The following CEMIP variants were observed in gnomAD, a reference collection of about 807,000 sequenced individuals.
CEMIP encodes the protein cell migration inducing hyaluronidase 1.
CEMIP carries 105 observed loss-of-function variants against 156.9 expected under a neutral mutation model. The ratio of observed to expected loss-of-function variants is 0.67; its 90% confidence interval spans 0.57 to 0.79. CEMIP has a LOEUF of 0.79. CEMIP is among the 30% of genes least tolerant of loss of function. The pLI is 0.00. For missense variants in CEMIP, 1,457 were observed against 1,769.4 expected (o/e 0.82, Z 3.17); for synonymous variants, 676 against 668.4 (o/e 1.01, Z -0.17).
chr15:80,810,618 G>A (rs1436102229), intron 1 of CEMIP, among the ~76,000 whole-genome samples: 2 of 152,204 alleles, frequency 1.3e-5, no homozygotes, highest in African/African-American at 4.8e-5. Flanking sequence ...GCCTCCCAAA[G>A]TGCTGGGATT....
At chr15:80,819,363 C>G (rs1896859858) in intron 1 of CEMIP, among the ~76,000 whole-genome samples, 2 of 152,142 alleles carry the variant, frequency 1.3e-5, no homozygotes, top group African/African-American at 4.8e-5. Flanking sequence ...TGGGTCCTGT[C>G]TAGTGGATGG....
chr15:80,796,582 T>C (rs1896231855), intron 1 of CEMIP, among the ~76,000 whole-genome samples: 1 of 152,228 alleles, frequency 6.6e-6, no homozygotes. Flanking sequence ...CCAATACATT[T>C]ATCAGTCTGA....
chr15:80,896,400 G>T (rs906445463), intron 12 of CEMIP: 11 of 498,586 alleles, frequency 2.2e-5, no homozygotes, highest in Non-Finnish European at 3.9e-5. Flanking sequence ...TAAGGCCTAG[G>T]CTCAAAGATG....
chr15:80,843,808 C>A (rs1025417127), intron 1 of CEMIP, among the ~76,000 whole-genome samples: 1 of 152,184 alleles, frequency 6.6e-6, no homozygotes, highest in African/African-American at 2.4e-5. Flanking sequence ...CAGCCCCCAG[C>A]AGCCCACCCA....
intron 1 of CEMIP, among the ~76,000 whole-genome samples, chr15:80,803,196 C>T: frequency 6.6e-6 from 1 of 152,174 alleles, no homozygotes; most frequent in Non-Finnish European, 1.5e-5. Context: ...GGTGACCACT[C>T]CCGCAGAGTT....
rs535776235 is a variant in CEMIP at position 80,898,540 on chromosome 15, G to A, written c.1411+2480G>A. ...TTGGGACATGCAGGTAGAGGGTGTT[G>A]TAGTGAGAGGGAAACAAACTATTTC... is the stretch of plus-strand genomic sequence containing the variant. On this transcript the variant is annotated intron_variant, in intron 12 of 29. Coordinates refer to ENST00000394685, the MANE Select transcript of CEMIP (RefSeq NM_001293298.2). Among the ~76,000 whole-genome samples, 4 of 152,296 alleles carry A rather than the reference G, an allele frequency of 2.6e-5. No homozygotes were observed. In the South Asian group the frequency reaches 8.3e-4, roughly 32 times the overall value.
chr15:80,891,491 A>G lies in CEMIP; in HGVS notation c.1086+1899A>G, dbSNP rs147270772. 9.1e-4 allele frequency among the ~76,000 whole-genome samples: 138 copies of G among 152,342 alleles called. 1 individual carries two copies. Among genetic ancestry groups the G allele is most frequent in the African/African-American group, 3.2e-3 (131 of 41,574 alleles). Reference sequence around the variant, plus strand: ...GTTCCCTTGGCAATACATTCCCCAAATTCAAGTTCTCCATTATTTGAGGTT... The same window carrying G: ...GTTCCCTTGGCAATACATTCCCCAAGTTCAAGTTCTCCATTATTTGAGGTT... On this transcript the variant is annotated intron_variant, in intron 10 of 29. Transcript: ENST00000394685.
chr15:80,850,072 C>T (rs1483549567), intron 1 of CEMIP, among the ~76,000 whole-genome samples: 6 of 152,070 alleles, frequency 3.9e-5, no homozygotes, highest in Non-Finnish European at 5.9e-5. Flanking sequence ...ATTGGCAAAG[C>T]GGTGTTCAGG....
intron 1 of CEMIP, among the ~76,000 whole-genome samples, chr15:80,870,234 G>T (rs533736185): frequency 6.6e-6 from 1 of 152,304 alleles, no homozygotes; most frequent in East Asian, 1.9e-4. Flanking sequence ...ACCTCATGCA[G>T]GGTGGGTAGG....
chr15:80,892,180 G>A (rs12594920), intron 10 of CEMIP, among the ~76,000 whole-genome samples: 58,122 of 151,722 alleles, frequency 0.38, 11,767 homozygotes, highest in East Asian at 0.67. Flanking sequence ...AGTGGGTCCC[G>A]GCATACCTGC....
intron 1 of CEMIP, among the ~76,000 whole-genome samples, chr15:80,865,173 T>A (rs1364202141): frequency 6.6e-6 from 1 of 152,060 alleles, no homozygotes; most frequent in African/African-American, 2.4e-5. Context: ...GGAACTAAAT[T>A]TTTTATTTTT....
intron 1 of CEMIP, among the ~76,000 whole-genome samples, chr15:80,837,260 A>C (rs1159287485): frequency 6.6e-6 from 1 of 152,192 alleles, no homozygotes; most frequent in Non-Finnish European, 1.5e-5. Context: ...GTCATACCAG[A>C]TTCCATGCTT....
rs202129485 is a variant in CEMIP at position 80,936,799 on chromosome 15, G to T, written c.3135G>T (p.Pro1045=). 3 of 1,614,130 alleles carry T rather than the reference G, an allele frequency of 1.9e-6. No homozygotes were observed. The highest frequency in any genetic ancestry group is 2.5e-6 in the Non-Finnish European group (3 of 1,180,040). ...GCACCCATTACCAGCAATACCAACC[G>T]GTTGTCACCCTGCAGAAGGGCTACA... ...TRSTHYQQYQ[P]VVTLQKGYTI... is the part of the protein sequence containing the mutation. Residue 1045 remains proline (P), a synonymous_variant, in exon 24 of 30, where the codon CCG becomes CCT. Coordinates refer to ENST00000394685, the MANE Select transcript of CEMIP (RefSeq NM_001293298.2).
chr15:80,902,559 A>G (rs1899612093), intron 12 of CEMIP, among the ~76,000 whole-genome samples: 1 of 152,202 alleles, frequency 6.6e-6, no homozygotes, highest in Non-Finnish European at 1.5e-5. Context: ...GCTAACAGCC[A>G]TGGCCAGGTC....
At chr15:80,793,849 T>C (rs1055253056) in intron 1 of CEMIP, among the ~76,000 whole-genome samples, 1 of 152,194 alleles carries the variant, frequency 6.6e-6, no homozygotes, top group Non-Finnish European at 1.5e-5. Flanking sequence ...AGCTAAATAT[T>C]CATTAGTGGG....
chr15:80,797,017 G>C (rs1896247447), intron 1 of CEMIP, among the ~76,000 whole-genome samples: 1 of 152,144 alleles, frequency 6.6e-6, no homozygotes. Flanking sequence ...GGGTGGCTGG[G>C]GTGTAAGGAT....
intron 1 of CEMIP, among the ~76,000 whole-genome samples, chr15:80,788,480 A>AAAAAAAG (rs1367766512): frequency 6.6e-6 from 1 of 151,634 alleles, no homozygotes; most frequent in Non-Finnish European, 1.5e-5. Context: ...TCAAAAAAAA[A>AAAAAAAG]AAAAAAGAAA....
chr15:80,926,757 A>AT lies in CEMIP; in HGVS notation c.2420+1011dup, dbSNP rs199822619. ...GGCAGTGGCCAAAAATAAACAATAA[A>AT]TTTTTTTTTAAAAAAGTCAAAAAAG... On this transcript the variant is annotated intron_variant, in intron 19 of 29. Transcript: ENST00000394685. 1.4e-4 allele frequency among the ~76,000 whole-genome samples: 19 copies of AT among 138,998 alleles called. No homozygotes were observed. The East Asian group carries it at 3.0e-3, about 22-fold the overall frequency. 91.2% of individuals were successfully genotyped at this position (138,998 alleles called of 152,430 possible).
chr15:80,833,464 G>C (rs1025785721), intron 1 of CEMIP, among the ~76,000 whole-genome samples: 3 of 152,182 alleles, frequency 2.0e-5, no homozygotes, highest in Admixed American at 2.0e-4. Flanking sequence ...TTACTCAGAA[G>C]TAAATTTTTT....
Sources: allele counts gnomAD v4.1 joint callset (sites outside exome capture counted in the v4.1 genomes callset), GRCh38; gene constraint gnomAD v4.1.1; transcripts MANE v1.5; gene names NCBI Gene and HGNC (gene_info 2026-07-23, HGNC 2026-07-21).